GOLGA4: variants seen among roughly 807,000 people sequenced by gnomAD.
GOLGA4 encodes golgin subfamily A member 4.
A neutral mutation model predicts 265.9 loss-of-function variants in GOLGA4; 169 were observed. That is an observed-to-expected ratio of 0.64 (90% CI 0.56 to 0.72). The LOEUF is 0.72. Among genes scored for constraint, GOLGA4 ranks in the 30% least tolerant of loss-of-function variants. GOLGA4 has a pLI of 0.00. For missense variants in GOLGA4, 2,482 were observed against 2,483.4 expected (o/e 1.00, Z 0.01); for synonymous variants, 923 against 855.8 (o/e 1.08, Z -1.37).
intron 2 of GOLGA4, chr3:37,276,291 A>C: frequency 6.3e-7 from 1 of 1,589,596 alleles, no homozygotes; most frequent in Non-Finnish European, 8.6e-7. Flanking sequence ...AATCTTAAAG[A>C]TGCAAAAAAT....
At chr3:37,321,452 A>G in intron 12 of GOLGA4, 1 of 279,650 alleles carries the variant, frequency 3.6e-6, no homozygotes, top group East Asian at 6.7e-5. Context: ...TTTCACATTC[A>G]GCAGTGTTTC....
At chr3:37,286,346 G>A (rs2096849360) in intron 4 of GOLGA4, among the ~76,000 whole-genome samples, 1 of 150,236 alleles carries the variant, frequency 6.7e-6, no homozygotes. Flanking sequence ...GTAGAGACGG[G>A]GTTTCACCTT....
chr3:37,275,587 G>T (rs576533813), intron 2 of GOLGA4: 17 of 1,309,148 alleles, frequency 1.3e-5, no homozygotes, highest in East Asian at 2.3e-5. Flanking sequence ...GCCTGCGGTG[G>T]TGGGGGTTGC....
intron 20 of GOLGA4, 115 bp downstream of exon 20, chr3:37,340,314 ATGATT>A: frequency 2.0e-6 from 1 of 491,338 alleles, no homozygotes; most frequent in Middle Eastern, 5.4e-4. Context: ...AAAATTTTTA[ATGATT>A]TTATTTTTTC....
intron 21 of GOLGA4, among the ~76,000 whole-genome samples, chr3:37,353,366 GT>G (rs1259800179): frequency 6.6e-6 from 1 of 152,014 alleles, no homozygotes; most frequent in South Asian, 2.1e-4. Context: ...CCAAGAAACA[GT>G]TTCTGTGAAG....
chr3:37,339,641 G>A (rs1578785821), intron 19 of GOLGA4, among the ~76,000 whole-genome samples: 1 of 152,362 alleles, frequency 6.6e-6, no homozygotes, highest in African/African-American at 2.4e-5. Context: ...GACTAGTGAT[G>A]TGAAACATCT....
intron 16 of GOLGA4, among the ~76,000 whole-genome samples, chr3:37,333,917 A>G (rs907753380): frequency 3.9e-5 from 6 of 152,300 alleles, no homozygotes; most frequent in East Asian, 1.9e-4. Context: ...GGGCCTAACT[A>G]TGTTTGCATT....
chr3:37,284,320 AGTGGC>A (rs1295976234), intron 3 of GOLGA4, among the ~76,000 whole-genome samples: 3 of 152,034 alleles, frequency 2.0e-5, no homozygotes, highest in Admixed American at 6.5e-5. Flanking sequence ...GGTGGAGTTC[AGTGGC>A]GTGATCTCGG....
In GOLGA4 at chr3:37,323,589, G is replaced by T. The variant is rs540853421; in HGVS notation, c.1703G>T (p.Arg568Ile). The T allele has an allele frequency of 3.2e-6, 5 of 1,538,648 alleles. No individual in the cohort carries two copies. In the East Asian group the frequency reaches 9.0e-5, roughly 28 times the overall value. The change falls in exon 14 of 24, where the codon AGA becomes ATA. Residue 568 changes from arginine to isoleucine, a missense_variant and splice_region_variant. Transcript: ENST00000361924. The part of the protein sequence containing the change: ...LQQEAETYRT[R>I]ILELESSLEK... ...AATGCATCTGTTTTTAATTAACAGAGAATTCTTGAATTGGAAAGTTCTTTG... is the reference window on the plus strand; with the variant it reads ...AATGCATCTGTTTTTAATTAACAGATAATTCTTGAATTGGAAAGTTCTTTG...
intron 19 of GOLGA4, among the ~76,000 whole-genome samples, chr3:37,339,405 G>A (rs534360136): frequency 3.8e-4 from 58 of 152,062 alleles, no homozygotes; most frequent in African/African-American, 1.3e-3. Context: ...AGTTCTTTTG[G>A]GTATATACAC....
At position 37,324,526 on chromosome 3, in the gene GOLGA4, A is replaced by T. The variant is rs767975151; in HGVS notation, c.2640A>T (p.Lys880Asn). 1 of 1,613,996 alleles carries T rather than the reference A, an allele frequency of 6.2e-7. No homozygotes were observed. Among genetic ancestry groups the T allele is most frequent in the Non-Finnish European group, 8.5e-7 (1 of 1,179,966 alleles). Residue 880 changes from lysine (K) to asparagine (N), a missense_variant, in exon 14 of 24, where the codon AAA (lysine) becomes AAT (asparagine). Lys to Asn is a moderately conservative substitution (Grantham distance 94). This residue lies in a region of GOLGA4 where 1,536 missense variants were observed against 1,483.7 expected (regional missense o/e 1.04). Coordinates refer to ENST00000361924, the MANE Select transcript of GOLGA4 (RefSeq NM_002078.5). ...AACAAAATAGTGAAATGGAGCAAAA[A>T]GTAAAATCTTTAACCCAAGTCTATG... ...LEKQNSEMEQ[K>N]VKSLTQVYES...
chr3:37,298,816 T>A lies in GOLGA4; in HGVS notation c.815-17T>A. Reference sequence around the variant, plus strand: ...ATTCCTTACTGATGGGCCCTTCTTATGTTGCTTTATTGTTAGTGGAAGATG... The same window carrying A: ...ATTCCTTACTGATGGGCCCTTCTTAAGTTGCTTTATTGTTAGTGGAAGATG... On this transcript the variant is annotated splice_polypyrimidine_tract_variant and intron_variant, in intron 7 of 23. Transcript: ENST00000361924. The A allele has an allele frequency of 6.3e-7, 1 of 1,578,210 alleles. No homozygotes were observed. Among genetic ancestry groups the A allele is most frequent in the African/African-American group, 1.4e-5 (1 of 73,318 alleles).
intron 10 of GOLGA4, among the ~76,000 whole-genome samples, chr3:37,309,934 GA>G (rs2150906312): frequency 6.6e-6 from 1 of 152,380 alleles, no homozygotes; most frequent in Admixed American, 6.5e-5. Context: ...ATTTGCCAAA[GA>G]GGCTTGATGA....
intron 2 of GOLGA4, among the ~76,000 whole-genome samples, chr3:37,274,497 G>A (rs2096808486): frequency 6.6e-6 from 1 of 152,026 alleles, no homozygotes; most frequent in East Asian, 1.9e-4. Flanking sequence ...TTCGAGACCA[G>A]CCCAGCCAAC....
intron 10 of GOLGA4, among the ~76,000 whole-genome samples, chr3:37,304,102 C>T (rs910432111): frequency 6.6e-6 from 1 of 152,032 alleles, no homozygotes; most frequent in African/African-American, 2.4e-5. Flanking sequence ...AAAAAGTTAC[C>T]TCATGAAGTC....
At chr3:37,347,975 T>A (rs78271898) in intron 21 of GOLGA4, among the ~76,000 whole-genome samples, 1 of 152,168 alleles carries the variant, frequency 6.6e-6, no homozygotes, top group Non-Finnish European at 1.5e-5. Context: ...TCAAACAAAA[T>A]TTTTCATTTA....
Position 37,317,433 on chromosome 3 carries a change from T to C in GOLGA4, c.1414-1630T>C, listed in dbSNP as rs1304881717. Reference sequence around the variant, plus strand: ...GATCCACCTGCCTTGGCCTCCCAAATTGTTGGGATTACAGGCGTGAGCCAC... The same window carrying C: ...GATCCACCTGCCTTGGCCTCCCAAACTGTTGGGATTACAGGCGTGAGCCAC... On this transcript the variant is annotated intron_variant, in intron 11 of 23. Transcript: ENST00000361924. Among the ~76,000 whole-genome samples, 4 of 152,134 alleles carry C rather than the reference T, an allele frequency of 2.6e-5. No homozygotes were observed. The East Asian group carries it at 7.7e-4, about 29-fold the overall frequency.
Position 37,282,045 on chromosome 3 carries a change from C to T in GOLGA4, c.250C>T (p.Leu84=), listed in dbSNP as rs752400219. The T allele has an allele frequency of 1.2e-6, 2 of 1,613,968 alleles. No individual in the cohort carries two copies. The highest frequency in any genetic ancestry group is 1.7e-6 in the Non-Finnish European group (2 of 1,179,806). ...SLFRSPIKES[L]FRSSSKESLV... Reference sequence around the variant, plus strand: ...GTTTCGAAGTCCGATAAAGGAATCTCTATTCCGGTCTTCTTCTAAAGAGTC... The same window carrying T: ...GTTTCGAAGTCCGATAAAGGAATCTTTATTCCGGTCTTCTTCTAAAGAGTC... The change falls in exon 3 of 24, where the codon CTA becomes TTA. Residue 84 remains leucine (L), a synonymous_variant. Transcript: ENST00000361924.
chr3:37,327,173 G>A lies in GOLGA4; in HGVS notation c.5287G>A (p.Val1763Ile). 6.2e-7 allele frequency: 1 copy of A among 1,613,868 alleles called. No homozygotes were observed. Among genetic ancestry groups the A allele is most frequent in the South Asian group, 1.1e-5 (1 of 91,078 alleles). ...QRVGQEKEET[V>I]SSHFEMRCQY... is the part of the protein sequence containing the mutation. ...GGTAGGGCAGGAAAAAGAAGAGACA[G>A]TTTCTTCTCATTTTGAAATGCGATG... Residue 1763 changes from valine to isoleucine, a missense_variant, in exon 14 of 24, where the codon GTT becomes ATT. Val to Ile is a conservative substitution (Grantham distance 29, BLOSUM62 3). Coordinates refer to ENST00000361924, the MANE Select transcript of GOLGA4 (RefSeq NM_002078.5).
Sources: gnomAD v4.1 joint callset for allele counts (sites outside exome capture counted in the v4.1 genomes callset) on GRCh38, gnomAD v4.1.1 for gene constraint, gnomAD v4.1.1 regional missense constraint, MANE v1.5 for transcripts, NCBI Gene and HGNC (gene_info 2026-07-23, HGNC 2026-07-21) for gene names.